The following MORC4 variants were observed in gnomAD, a reference collection of about 807,000 sequenced individuals.
The protein encoded by MORC4 is MORC family CW-type zinc finger protein 4.
MORC4 carries 22 observed loss-of-function variants against 65.5 expected under a neutral mutation model. The observed-to-expected ratio is 0.34, with a 90% CI of 0.24 to 0.48. The LOEUF (loss-of-function observed/expected upper bound fraction) is 0.48. Among genes scored for constraint, MORC4 ranks in the 20% least tolerant of loss-of-function variants. The pLI is 0.99. For missense variants in MORC4, 624 were observed against 703.0 expected, an observed-to-expected ratio of 0.89 and a Z score of 1.27; for synonymous variants, 267 against 255.8, an observed-to-expected ratio of 1.04 and a Z score of -0.42.
intron 7 of MORC4, among the ~76,000 whole-genome samples, chrX:106,979,849 T>C (rs746416259): frequency 1.8e-5 from 2 of 111,118 alleles, no homozygotes; most frequent in African/African-American, 3.3e-5. Flanking sequence ...CATCCTAGTC[T>C]ACATATGGTG....
At chrX:106,968,195 A>G (rs1934419327) in intron 9 of MORC4, among the ~76,000 whole-genome samples, 1 of 111,519 alleles carries the variant, frequency 9.0e-6, no homozygotes, top group Non-Finnish European at 1.9e-5. Context: ...TTCAAACGAG[A>G]ATTTCATATA....
chrX:106,984,465 C>CTTTTTTTTTTTTTTT (rs762110163), intron 5 of MORC4, among the ~76,000 whole-genome samples: 46 of 71,374 alleles, frequency 6.4e-4, no homozygotes, highest in African/African-American at 7.5e-4. Flanking sequence ...TTTCTTTTTT[C>CTTTTTTTTTTTTTTT]TTTTTTTTTT....
Position 106,976,628 on chromosome X carries a change from T to C in MORC4, c.1113A>G (p.Lys371=). The change falls in exon 9 of 17, where the codon AAA becomes AAG. Residue 371 remains lysine (K), a synonymous_variant. Coordinates refer to ENST00000355610, the MANE Select transcript of MORC4 (RefSeq NM_024657.5). ...CAAAGTCTTGTTTGTTGTAGGCAGG[T>C]TTTAGGAAATTGCACTCAATGACTC... ...VIGVIECNFL[K]PAYNKQDFEY... is the part of the protein sequence containing the mutation. 1 of 1,208,589 alleles carries C rather than the reference T, an allele frequency of 8.3e-7. No individual in the cohort carries two copies.
chrX:106,989,103 G>C (rs183996867), intron 3 of MORC4, among the ~76,000 whole-genome samples: 6 of 112,619 alleles, frequency 5.3e-5, no homozygotes, highest in African/African-American at 1.9e-4. Context: ...GAATGAAAGA[G>C]TGCTAAGCAG....
chrX:106,988,060 A>T (rs1479181882), intron 3 of MORC4, among the ~76,000 whole-genome samples: 1 of 111,845 alleles, frequency 8.9e-6, no homozygotes, highest in African/African-American at 3.2e-5. Flanking sequence ...AGTAGTATTC[A>T]AACATTAATT....
chrX:106,971,538 A>C (rs1026554958), intron 9 of MORC4, among the ~76,000 whole-genome samples: 3 of 112,375 alleles, frequency 2.7e-5, no homozygotes, highest in Non-Finnish European at 1.9e-5. Flanking sequence ...CAACCTACAG[A>C]ATGGGAGAAA....
intron 11 of MORC4, 21 bp downstream of exon 11, chrX:106,958,315 G>A (rs1448613009): frequency 8.4e-7 from 1 of 1,188,686 alleles, no homozygotes; most frequent in South Asian, 1.9e-5. Flanking sequence ...TTGAGCATAA[G>A]ATTGAGTCCT....
chrX:106,972,965 T>C (rs1224659905), intron 9 of MORC4, among the ~76,000 whole-genome samples: 1 of 111,965 alleles, frequency 8.9e-6, no homozygotes, highest in Admixed American at 9.4e-5. Flanking sequence ...AACAAAAAGC[T>C]AGCTTGAATT....
rs1261706056 is a variant in MORC4 at position 106,986,142 on chromosome X, T to C, written c.367A>G (p.Asn123Asp). ...CGCATGGAGCCTGACTTGAAACCATTACCAAAGACCCCAATGGGACACTGG... is the reference window on the plus strand; with the variant it reads ...CGCATGGAGCCTGACTTGAAACCATCACCAAAGACCCCAATGGGACACTGG... ...KSQCPIGVFG[N>D]GFKSGSMRLG... The change falls in exon 4 of 17, where the codon AAT (asparagine) becomes GAT (aspartate). Residue 123 changes from asparagine (N) to aspartate (D), a missense_variant. By Grantham distance (23) the Asn-to-Asp change is conservative. Coordinates refer to ENST00000355610, the MANE Select transcript of MORC4 (RefSeq NM_024657.5). 1 of 1,211,196 alleles carries C rather than the reference T, an allele frequency of 8.3e-7. No individual in the cohort carries two copies. Among genetic ancestry groups the C allele is most frequent in the South Asian group, 1.8e-5 (1 of 56,920 alleles).
At chrX:106,958,976 T>C (rs1459813874) in intron 10 of MORC4, among the ~76,000 whole-genome samples, 1 of 111,635 alleles carries the variant, frequency 9.0e-6, no homozygotes, top group Non-Finnish European at 1.9e-5. Flanking sequence ...CATTAAAACA[T>C]CTCCCTCATT....
chrX:106,991,568 G>A (rs1049336277), intron 3 of MORC4, among the ~76,000 whole-genome samples: 8 of 111,963 alleles, frequency 7.1e-5, no homozygotes, highest in African/African-American at 1.3e-4. Context: ...CAACACCCAC[G>A]TCAATGGGAT....
chrX:106,967,732 A>G (rs2042694793), intron 9 of MORC4, among the ~76,000 whole-genome samples: 1 of 111,979 alleles, frequency 8.9e-6, no homozygotes, highest in East Asian at 2.8e-4. Context: ...TGAAGATAAA[A>G]TTAATGAAAT....
intron 11 of MORC4, among the ~76,000 whole-genome samples, chrX:106,958,032 T>G (rs1041751000): frequency 8.9e-6 from 1 of 111,969 alleles, no homozygotes; most frequent in African/African-American, 3.2e-5. Context: ...CAGATGGATG[T>G]GATTAGGATA....
Position 106,985,966 on chromosome X carries a change from A to T in MORC4, c.526+17T>A. 8.5e-7 allele frequency: 1 copy of T among 1,177,034 alleles called. No individual in the cohort carries two copies. Among genetic ancestry groups the T allele is most frequent in the African/African-American group, 1.8e-5 (1 of 57,085 alleles). Reference sequence around the variant, plus strand: ...GACTAATTTTTAACCAACATTCTCCATTTCCAGAAAGGATATTGTTTTGCT... The same window carrying T: ...GACTAATTTTTAACCAACATTCTCCTTTTCCAGAAAGGATATTGTTTTGCT... On this transcript the variant is annotated intron_variant, in intron 4 of 16. Transcript: ENST00000355610.
chrX:106,999,754 G>C lies in MORC4; in HGVS notation c.103-5C>G. 9.1e-7 allele frequency: 1 copy of C among 1,104,094 alleles called. No homozygotes were observed. Among genetic ancestry groups the C allele is most frequent in the Non-Finnish European group, 1.2e-6 (1 of 843,845 alleles). 91.0% of individuals were successfully genotyped at this position (1,104,094 alleles called of 1,213,427 possible). On this transcript the variant is annotated splice_polypyrimidine_tract_variant and splice_region_variant and intron_variant, in intron 1 of 16. Coordinates refer to ENST00000355610, the MANE Select transcript of MORC4 (RefSeq NM_024657.5). The stretch of plus-strand genomic sequence containing the variant: ...CTGGAGGTAGCGGGGGCTCATCTGG[G>C]GGCGAGAGAAGGTCCCGACCCGCGT...
At chrX:106,968,603 A>T (rs1934427795) in intron 9 of MORC4, among the ~76,000 whole-genome samples, 1 of 103,293 alleles carries the variant, frequency 9.7e-6, no homozygotes, top group South Asian at 4.9e-4. Flanking sequence ...CAGGCTCAAA[A>T]TAGAGGAATG....
In MORC4 at chrX:106,968,642, CAAAAAAAAAAAAA is replaced by C. The variant is rs1194053588; in HGVS notation, c.1158-6545_1158-6533del. The stretch of plus-strand genomic sequence containing the variant: ...GAAGATCTACCAAGGAAATGGAAAG[CAAAAAAAAAAAAA>C]AAAAAAAAAAAGCAGGGGTTGCAAT... On this transcript the variant is annotated intron_variant, in intron 9 of 16. Transcript: ENST00000355610. Among the ~76,000 whole-genome samples the C allele has an allele frequency of 1.7e-4, 3 of 17,973 alleles. No individual in the cohort carries two copies. In the East Asian group the frequency reaches 6.3e-3, roughly 38 times the overall value. The allele number at this position is 17,973 out of a possible 115,157, so 15.6% of individuals were successfully genotyped here. A position where few individuals can be genotyped will look rare whatever the true frequency, so the allele number is the denominator to read the frequency against.
intron 14 of MORC4, among the ~76,000 whole-genome samples, chrX:106,952,496 G>A (rs373093161): frequency 8.9e-6 from 1 of 112,500 alleles, no homozygotes; most frequent in East Asian, 2.8e-4. Context: ...TATGCGGCAC[G>A]ATTATACATG....
At chrX:106,991,233 C>G (rs897301244) in intron 3 of MORC4, among the ~76,000 whole-genome samples, 2 of 111,689 alleles carry the variant, frequency 1.8e-5, no homozygotes, top group Non-Finnish European at 3.8e-5. Flanking sequence ...TATACGTTCT[C>G]AAAGAAACTG....
Sources: gnomAD v4.1 joint callset for allele counts (sites outside exome capture counted in the v4.1 genomes callset) on GRCh38, gnomAD v4.1.1 for gene constraint, MANE v1.5 for transcripts, NCBI Gene and HGNC (gene_info 2026-07-23, HGNC 2026-07-21) for gene names.